The following FIRRM variants were observed in gnomAD, a reference collection of about 807,000 sequenced individuals.
The protein encoded by FIRRM is FIGNL1 interacting regulator of recombination and mitosis.
chr1:169,852,741 C>T, the FIRRM span: 3 of 1,581,634 alleles, frequency 1.9e-6, no homozygotes, highest in Non-Finnish European at 2.6e-6. Context: ...AAGGAAGGTT[C>T]TTTATATTTA....
chr1:169,811,693 C>T, the FIRRM span, among the ~76,000 whole-genome samples: 3,389 of 129,056 alleles, frequency 0.026, 101 homozygotes, highest in South Asian at 0.048. Flanking sequence ...AGATAATAGA[C>T]AGATTATCTA....
At chr1:169,788,398 C>T in the FIRRM span, among the ~76,000 whole-genome samples, 50 of 152,276 alleles carry the variant, frequency 3.3e-4, no homozygotes, top group Non-Finnish European at 5.9e-4. Context: ...GTTTTCTCTT[C>T]CTCCTAATTT....
chr1:169,838,566 C>T, the FIRRM span, among the ~76,000 whole-genome samples: 6 of 151,956 alleles, frequency 3.9e-5, no homozygotes, highest in Non-Finnish European at 5.9e-5. Context: ...TTTGGCTCAC[C>T]GCAACCTCTG....
chr1:169,840,759 C>G, the FIRRM span, among the ~76,000 whole-genome samples: 1 of 152,146 alleles, frequency 6.6e-6, no homozygotes, highest in Non-Finnish European at 1.5e-5. Flanking sequence ...ATCCACCCAC[C>G]TCGGCCTCCC....
At chr1:169,805,062 G>C in the FIRRM span, among the ~76,000 whole-genome samples, 1 of 152,206 alleles carries the variant, frequency 6.6e-6, no homozygotes, top group Non-Finnish European at 1.5e-5. Flanking sequence ...TTATGAACAA[G>C]AGTTTGAAAA....
chr1:169,828,458 C>G, the FIRRM span, among the ~76,000 whole-genome samples: 2 of 152,134 alleles, frequency 1.3e-5, no homozygotes, highest in Non-Finnish European at 2.9e-5. Flanking sequence ...TCATTTTCAA[C>G]ACATATTCCT....
the FIRRM span, among the ~76,000 whole-genome samples, chr1:169,837,908 C>T: frequency 1.3e-5 from 2 of 152,080 alleles, no homozygotes; most frequent in Non-Finnish European, 2.9e-5. Context: ...GTTCTGATAC[C>T]GTTATATGTA....
At chr1:169,797,710 A>G in the FIRRM span, among the ~76,000 whole-genome samples, 9 of 151,788 alleles carry the variant, frequency 5.9e-5, no homozygotes, top group Admixed American at 5.9e-4. Context: ...ATGCCCGGCT[A>G]ATTTTTTGTA....
chr1:169,833,846 CTTTTTTTTTTT>C, the FIRRM span, among the ~76,000 whole-genome samples: 7 of 96,056 alleles, frequency 7.3e-5, no homozygotes, highest in African/African-American at 2.1e-4. Flanking sequence ...AGTCACTTTC[CTTTTTTTTTTT>C]TTTTTTTTTT....
the FIRRM span, chr1:169,852,122 C>A: frequency 1.4e-6 from 1 of 697,608 alleles, no homozygotes; most frequent in South Asian, 1.8e-5. Context: ...TACACCATAT[C>A]AAATATATTC....
chr1:169,787,388 A>G, the FIRRM span, among the ~76,000 whole-genome samples: 1 of 152,180 alleles, frequency 6.6e-6, no homozygotes, highest in Non-Finnish European at 1.5e-5. Flanking sequence ...TCAGTTTAGC[A>G]AGAATCCCCA....
the FIRRM span, among the ~76,000 whole-genome samples, chr1:169,824,336 C>A: frequency 6.6e-6 from 1 of 152,210 alleles, no homozygotes; most frequent in Non-Finnish European, 1.5e-5. Flanking sequence ...TGACCTTGCA[C>A]CAGCAATTAT....
At chr1:169,798,174 G>A in the FIRRM span, among the ~76,000 whole-genome samples, 2 of 152,162 alleles carry the variant, frequency 1.3e-5, no homozygotes, top group Non-Finnish European at 2.9e-5. Context: ...CCAGCTCCTT[G>A]AGAGGCTGGT....
chr1:169,842,693 C>T, the FIRRM span, among the ~76,000 whole-genome samples: 1 of 152,126 alleles, frequency 6.6e-6, no homozygotes, highest in Non-Finnish European at 1.5e-5. Flanking sequence ...TGTACTCTCT[C>T]ACGCAGCTTT....
the FIRRM span, among the ~76,000 whole-genome samples, chr1:169,799,170 C>T: frequency 6.6e-6 from 1 of 152,024 alleles, no homozygotes; most frequent in African/African-American, 2.4e-5. Context: ...GGATAAATAC[C>T]AAAGTGTTTT....
At chr1:169,850,293 AGT>A in the FIRRM span, 2 of 1,612,430 alleles carry the variant, frequency 1.2e-6, no homozygotes, top group East Asian at 4.5e-5. Flanking sequence ...ATAGTTCCAC[AGT>A]GTCTCAGTTC....
the FIRRM span, among the ~76,000 whole-genome samples, chr1:169,822,959 T>C: frequency 4.0e-5 from 6 of 151,428 alleles, no homozygotes; most frequent in Non-Finnish European, 7.4e-5. Flanking sequence ...ATGTTAAGAA[T>C]TTTTTTTTAG....
the FIRRM span, among the ~76,000 whole-genome samples, chr1:169,799,646 G>A: frequency 6.6e-6 from 1 of 152,170 alleles, no homozygotes; most frequent in East Asian, 1.9e-4. Flanking sequence ...CCACCTTCCA[G>A]GTTCAGGTGA....
At chr1:169,852,531 G>A in the FIRRM span, 21 of 476,428 alleles carry the variant, frequency 4.4e-5, no homozygotes, top group Admixed American at 7.4e-5. Context: ...TTCTCATTGG[G>A]AGCCCTTTGG....
Sources: gnomAD v4.1 joint callset for allele counts (sites outside exome capture counted in the v4.1 genomes callset) on GRCh38, gnomAD v4.1.1 for gene constraint, MANE v1.5 for transcripts, NCBI Gene and HGNC (gene_info 2026-07-23, HGNC 2026-07-21) for gene names.